The following UNC13B variants were observed in gnomAD, a reference collection of about 807,000 sequenced individuals.
UNC13B encodes the protein unc-13 homolog B.
UNC13B carries 144 observed loss-of-function variants against 211.0 expected under a neutral mutation model. The ratio of observed to expected loss-of-function variants is 0.68; its 90% CI spans 0.60 to 0.78. The LOEUF is 0.78. UNC13B is among the 30% of genes least tolerant of loss of function. The probability of loss-of-function intolerance (pLI) is 0.00; values close to 1 mark genes in which losing one functional copy is unlikely to be tolerated. For missense variants in UNC13B, 1,777 were observed against 2,002.0 expected (o/e 0.89, Z 2.14); for synonymous variants, 709 against 725.8 (o/e 0.98, Z 0.37).
At chr9:35,215,295 G>A (rs1408525868) in intron 1 of UNC13B, among the ~76,000 whole-genome samples, 2 of 152,036 alleles carry the variant, frequency 1.3e-5, no homozygotes, top group Admixed American at 6.6e-5. Flanking sequence ...CCCAGCTACT[G>A]GGGAGTCTGA....
chr9:35,241,198 C>A (rs1825788588), intron 5 of UNC13B, among the ~76,000 whole-genome samples: 2 of 152,010 alleles, frequency 1.3e-5, no homozygotes, highest in Admixed American at 1.3e-4. Context: ...ACTATTATTC[C>A]CCACTTTAGA....
intron 7 of UNC13B, among the ~76,000 whole-genome samples, chr9:35,259,688 C>A (rs1470831486): frequency 6.8e-6 from 1 of 146,756 alleles, no homozygotes; most frequent in East Asian, 2.0e-4. Flanking sequence ...ACCCTCTCCC[C>A]AGTTTCCCTC....
At chr9:35,232,003 T>G (rs1825227744) in intron 3 of UNC13B, among the ~76,000 whole-genome samples, 1 of 151,608 alleles carries the variant, frequency 6.6e-6, no homozygotes, top group Admixed American at 6.6e-5. Context: ...TTCTGGGAGT[T>G]GGAGGTGGGC....
chr9:35,293,016 C>A (rs901254397), intron 7 of UNC13B, among the ~76,000 whole-genome samples: 1 of 152,192 alleles, frequency 6.6e-6, no homozygotes, highest in Non-Finnish European at 1.5e-5. Context: ...TTTTTAGTTT[C>A]TAATCAGGCT....
intron 13 of UNC13B, among the ~76,000 whole-genome samples, chr9:35,371,735 A>G (rs1440564607): frequency 6.6e-6 from 1 of 151,764 alleles, no homozygotes; most frequent in Non-Finnish European, 1.5e-5. Context: ...AATACTCCTT[A>G]GAGTAGGTGC....
At chr9:35,200,272 T>A (rs1225641960) in intron 1 of UNC13B, among the ~76,000 whole-genome samples, 2 of 152,234 alleles carry the variant, frequency 1.3e-5, no homozygotes, top group Non-Finnish European at 2.9e-5. Flanking sequence ...GGTAGCATGA[T>A]GCCTCCAGCT....
chr9:35,369,639 A>T (rs904528245), intron 12 of UNC13B, among the ~76,000 whole-genome samples: 1 of 152,224 alleles, frequency 6.6e-6, no homozygotes, highest in African/African-American at 2.4e-5. Context: ...GGCCACACTC[A>T]TACAGTCCCT....
intron 11 of UNC13B, among the ~76,000 whole-genome samples, chr9:35,343,904 AT>A (rs1468606692): frequency 6.6e-6 from 1 of 152,050 alleles, no homozygotes; most frequent in African/African-American, 2.4e-5. Context: ...ATGATTAATA[AT>A]TTTTTATATT....
At chr9:35,369,485 G>A (rs1348831915) in intron 12 of UNC13B, among the ~76,000 whole-genome samples, 3 of 152,130 alleles carry the variant, frequency 2.0e-5, no homozygotes, top group Non-Finnish European at 4.4e-5. Flanking sequence ...AGTTTCTTTT[G>A]GGTACATTTT....
At chr9:35,266,019 T>C (rs1587501951) in intron 7 of UNC13B, among the ~76,000 whole-genome samples, 1 of 152,078 alleles carries the variant, frequency 6.6e-6, no homozygotes, top group African/African-American at 2.4e-5. Flanking sequence ...GCCAGGCTGG[T>C]CTTGAACTCC....
At chr9:35,259,144 G>A in intron 7 of UNC13B, 94 bp downstream of exon 7, 3 of 1,281,134 alleles carry the variant, frequency 2.3e-6, no homozygotes, top group Non-Finnish European at 3.4e-6. Flanking sequence ...GGGTGGAGAT[G>A]TCATGTGTGT....
chr9:35,341,968 A>G, intron 11 of UNC13B: 13 of 985,600 alleles, frequency 1.3e-5, no homozygotes, highest in Non-Finnish European at 1.6e-5. Flanking sequence ...TGCCTTCAGC[A>G]GGCTGATCTC....
intron 1 of UNC13B, among the ~76,000 whole-genome samples, chr9:35,173,340 C>T (rs902716127): frequency 2.6e-5 from 4 of 152,084 alleles, no homozygotes; most frequent in Non-Finnish European, 5.9e-5. Context: ...CTCACTTCAG[C>T]CCTCCATTCC....
chr9:35,278,750 CAT>C (rs56686590), intron 7 of UNC13B, among the ~76,000 whole-genome samples: 3,944 of 152,006 alleles, frequency 0.026, 167 homozygotes, highest in African/African-American at 0.088. Flanking sequence ...TGAAAGGAAA[CAT>C]GTGCATAAGG....
chr9:35,162,258 G>A lies in UNC13B; in HGVS notation c.-26G>A, dbSNP rs1301672160. 6.5e-7 allele frequency: 1 copy of A among 1,542,596 alleles called. No homozygotes were observed. Among genetic ancestry groups the A allele is most frequent in the Non-Finnish European group, 8.7e-7 (1 of 1,147,408 alleles). On this transcript the variant is annotated 5_prime_UTR_variant, in exon 1 of 40. Transcript: ENST00000635942. ...GAGCGGTCCGGCGCGGCTGGGGCGCGGCAGAGGCTTGCCCGATCCTCGGCC... is the reference window on the plus strand; with the variant it reads ...GAGCGGTCCGGCGCGGCTGGGGCGCAGCAGAGGCTTGCCCGATCCTCGGCC...
rs567073366 is a variant in UNC13B at position 35,287,301 on chromosome 9, T to C, written c.527-8395T>C. On this transcript the variant is annotated intron_variant, in intron 7 of 39. Transcript: ENST00000635942. Reference sequence around the variant, plus strand: ...GTGCCCATCGCCATGCCTGGCTAATTTTTGTATTTTTAGTAGAGACAGGTT... The same window carrying C: ...GTGCCCATCGCCATGCCTGGCTAATCTTTGTATTTTTAGTAGAGACAGGTT... Among the ~76,000 whole-genome samples the C allele has an allele frequency of 2.0e-5, 3 of 152,114 alleles. No homozygotes were observed. In the South Asian group the frequency reaches 6.2e-4, roughly 32 times the overall value.
intron 6 of UNC13B, among the ~76,000 whole-genome samples, chr9:35,257,938 A>G (rs1042755364): frequency 2.6e-5 from 4 of 152,178 alleles, no homozygotes; most frequent in Admixed American, 2.6e-4. Context: ...TTGATCTTTT[A>G]AAAGTATAAT....
At position 35,404,555 on chromosome 9, in the gene UNC13B, TCCACTGATTTTCTGTGGCTCCAGTGAG is replaced by T. The variant is rs1836559197; in HGVS notation, c.*523_*549del. 6.2e-6 allele frequency: 1 copy of T among 161,274 alleles called. No homozygotes were observed. Among genetic ancestry groups the T allele is most frequent in the Admixed American group, 5.7e-5 (1 of 17,580 alleles). The allele number at this position is 161,274 out of a possible 1,614,324, so 10.0% of individuals were successfully genotyped here. A position where few individuals can be genotyped will look rare whatever the true frequency, so the allele number is the denominator to read the frequency against. ...AATTTAGACTGTCCCTTGAGTAGAATCCACTGATTTTCTGTGGCTCCAGTGAGAACAAGGCTTTGAAACTGAACAAGA... is the reference window on the plus strand; with the variant it reads ...AATTTAGACTGTCCCTTGAGTAGAATAACAAGGCTTTGAAACTGAACAAGA... On this transcript the variant is annotated 3_prime_UTR_variant, in exon 40 of 40. Transcript: ENST00000635942.
At chr9:35,195,306 C>T (rs1822875859) in intron 1 of UNC13B, among the ~76,000 whole-genome samples, 1 of 149,080 alleles carries the variant, frequency 6.7e-6, no homozygotes, top group Non-Finnish European at 1.5e-5. Flanking sequence ...ACTTCTGTAC[C>T]CTTATTATCT....
Sources: gnomAD v4.1 joint callset for allele counts (sites outside exome capture counted in the v4.1 genomes callset) on GRCh38, gnomAD v4.1.1 for gene constraint, MANE v1.5 for transcripts, NCBI Gene and HGNC (gene_info 2026-07-23, HGNC 2026-07-21) for gene names.